CYRIA: variants seen among roughly 807,000 people sequenced by gnomAD.
CYRIA encodes CYFIP-related Rac1 interactor A.
In CYRIA, 15 loss-of-function variants were observed where a neutral mutation model predicts 43.9. That is an observed-to-expected ratio of 0.34 (90% CI 0.23 to 0.53). CYRIA has a LOEUF of 0.53. Ranked by LOEUF, CYRIA falls within the 20% of genes least tolerant of loss-of-function variation. The probability of loss-of-function intolerance (pLI) is 0.94; values close to 1 mark genes in which losing one functional copy is unlikely to be tolerated. For missense variants in CYRIA, 236 were observed against 394.2 expected (o/e 0.60, Z 3.40); for synonymous variants, 117 against 136.0 (o/e 0.86, Z 0.97).
chr2:16,565,606 C>T, intron 4 of CYRIA, 40 bp downstream of exon 4: 1 of 1,500,894 alleles, frequency 6.7e-7, no homozygotes, highest in East Asian at 2.4e-5. Context: ...TTTCCTTCCC[C>T]TCCTCGGGTG....
chr2:16,567,700 T>C (rs978283030), intron 3 of CYRIA, among the ~76,000 whole-genome samples: 1 of 152,096 alleles, frequency 6.6e-6, no homozygotes, highest in African/African-American at 2.4e-5. Flanking sequence ...GCCATGGCAA[T>C]TCTCTTTGAA....
rs369267903 is a variant in CYRIA, at chr2:16,617,480, CAA to C, written c.-11+6382_-11+6383del. ...CCTAGATTCCAACCCAAAGCAGGAA[CAA>C]AGACAGGGTTGGAAGAAGGAGAGAG... On this transcript the variant is annotated intron_variant, in intron 2 of 11. Coordinates refer to ENST00000381323, the MANE Select transcript of CYRIA (RefSeq NM_030797.4). Among the ~76,000 whole-genome samples the C allele has an allele frequency of 5.1e-4, 78 of 152,350 alleles. 2 individuals carry two copies. In the East Asian group the frequency reaches 0.015, roughly 29 times the overall value.
At chr2:16,584,684 T>C (rs1041426074) in intron 3 of CYRIA, among the ~76,000 whole-genome samples, 3 of 152,176 alleles carry the variant, frequency 2.0e-5, no homozygotes, top group Non-Finnish European at 4.4e-5. Context: ...CAGCAAGCAT[T>C]TGGTGTTTCA....
At chr2:16,652,197 C>T (rs1490272366) in intron 1 of CYRIA, among the ~76,000 whole-genome samples, 1 of 152,140 alleles carries the variant, frequency 6.6e-6, no homozygotes, top group Non-Finnish European at 1.5e-5. Context: ...TAACATCTTC[C>T]CACAGCTTCA....
At chr2:16,644,209 T>G (rs938760250) in intron 1 of CYRIA, among the ~76,000 whole-genome samples, 1 of 152,198 alleles carries the variant, frequency 6.6e-6, no homozygotes, top group African/African-American at 2.4e-5. Flanking sequence ...AGTGCAGTAT[T>G]GGATATGTAA....
At chr2:16,566,900 G>A (rs1160285091) in intron 3 of CYRIA, among the ~76,000 whole-genome samples, 1 of 152,122 alleles carries the variant, frequency 6.6e-6, no homozygotes, top group Non-Finnish European at 1.5e-5. Flanking sequence ...TCATGGAGAG[G>A]GGACAGATGT....
At chr2:16,660,701 T>C (rs1670229905) in intron 1 of CYRIA, among the ~76,000 whole-genome samples, 1 of 152,228 alleles carries the variant, frequency 6.6e-6, no homozygotes, top group African/African-American at 2.4e-5. Flanking sequence ...GCACTCCATT[T>C]CCCCAGTTTC....
At position 16,565,730 on chromosome 2, in the gene CYRIA, G is replaced by A. The variant is rs1482060092; in HGVS notation, c.108C>T (p.Asn36=). Residue 36 remains asparagine, a synonymous_variant, in exon 4 of 12, where the codon AAC becomes AAT. Transcript: ENST00000381323. The part of the protein sequence containing the change: ...QPTEGEREIW[N]QISAVLQDSE... Reference sequence around the variant, plus strand: ...AATCCTGAAGGACGGCGCTGATCTGGTTCCAGATTTCTCTCTCTCCTTCTG... The same window carrying A: ...AATCCTGAAGGACGGCGCTGATCTGATTCCAGATTTCTCTCTCTCCTTCTG... 1.9e-6 allele frequency: 3 copies of A among 1,584,744 alleles called. No individual in the cohort carries two copies. The highest frequency in any genetic ancestry group is 2.6e-6 in the Non-Finnish European group (3 of 1,157,950).
chr2:16,568,792 A>G (rs538495737), intron 3 of CYRIA, among the ~76,000 whole-genome samples: 1 of 152,334 alleles, frequency 6.6e-6, no homozygotes, highest in South Asian at 2.1e-4. Context: ...GGAAAGAAGA[A>G]GGCACTCTGA....
intron 3 of CYRIA, among the ~76,000 whole-genome samples, chr2:16,570,097 T>C (rs1300110067): frequency 6.6e-6 from 1 of 152,010 alleles, no homozygotes; most frequent in Non-Finnish European, 1.5e-5. Flanking sequence ...TTGAAAGCAG[T>C]GTAGTAAGTA....
intron 2 of CYRIA, among the ~76,000 whole-genome samples, chr2:16,593,716 GTGTTT>G (rs1349013769): frequency 0.015 from 1,320 of 87,124 alleles, 38 homozygotes; most frequent in East Asian, 0.067. Flanking sequence ...TTGTGTGTGT[GTGTTT>G]TTTTTTTTTT....
chr2:16,592,282 A>G (rs1667959470), intron 2 of CYRIA, among the ~76,000 whole-genome samples: 1 of 152,168 alleles, frequency 6.6e-6, no homozygotes, highest in Non-Finnish European at 1.5e-5. Context: ...GATAAAGGAT[A>G]CTCAAACTGG....
At position 16,549,909 on chromosome 2, in the gene CYRIA, T is replaced by C. The variant is rs773210552; in HGVS notation, c.*3027A>G. 3.9e-5 allele frequency: 6 copies of C among 151,966 alleles called. No homozygotes were observed. Among genetic ancestry groups the C allele is most frequent in the East Asian group, 1.9e-4 (1 of 5,184 alleles). 9.4% of individuals were successfully genotyped at this position (151,966 alleles called of 1,614,324 possible). A position where few individuals can be genotyped will look rare whatever the true frequency, so the allele number is the denominator to read the frequency against. ...GTTGATCAAGCATGATGTTAACTAGTAGTTAAAAGGTAATATCCAAACTTT... is the reference window on the plus strand; with the variant it reads ...GTTGATCAAGCATGATGTTAACTAGCAGTTAAAAGGTAATATCCAAACTTT... On this transcript the variant is annotated 3_prime_UTR_variant, in exon 12 of 12. Transcript: ENST00000381323.
intron 3 of CYRIA, among the ~76,000 whole-genome samples, chr2:16,586,955 C>A (rs1244702951): frequency 6.6e-6 from 1 of 151,974 alleles, no homozygotes; most frequent in African/African-American, 2.4e-5. Flanking sequence ...TTTGAGCAAA[C>A]ATAAATGTTC....
chr2:16,559,949 G>T (rs1666669660), intron 9 of CYRIA, among the ~76,000 whole-genome samples: 3 of 152,102 alleles, frequency 2.0e-5, no homozygotes, highest in South Asian at 4.1e-4. Context: ...CAGAGAAAAA[G>T]AATTAGGCTC....
chr2:16,586,726 A>G (rs1251670725), intron 3 of CYRIA, among the ~76,000 whole-genome samples: 1 of 151,900 alleles, frequency 6.6e-6, no homozygotes, highest in African/African-American at 2.4e-5. Flanking sequence ...GCATTTCCTT[A>G]GCAAACTTCT....
chr2:16,645,502 C>A (rs1291869679), intron 1 of CYRIA, among the ~76,000 whole-genome samples: 1 of 152,154 alleles, frequency 6.6e-6, no homozygotes, highest in Middle Eastern at 3.2e-3. Context: ...TTTTAAAATG[C>A]GGAGTTAGAA....
rs749491161 is a variant in CYRIA at position 16,553,566 on chromosome 2, G to A, written c.909-567C>T. On this transcript the variant is annotated intron_variant, in intron 11 of 11. Coordinates refer to ENST00000381323, the MANE Select transcript of CYRIA (RefSeq NM_030797.4). The stretch of plus-strand genomic sequence containing the variant: ...ATAAAACTTTGGCCAGGTCATGGGC[G>A]CTCCATGTTAAGTTTCGTGTTACAA... 3.9e-5 allele frequency among the ~76,000 whole-genome samples: 6 copies of A among 152,104 alleles called. 1 individual carries two copies. The highest frequency in any genetic ancestry group is 4.1e-4 in the South Asian group (2 of 4,830).
At chr2:16,647,583 C>T (rs1352907706) in intron 1 of CYRIA, among the ~76,000 whole-genome samples, 3 of 152,204 alleles carry the variant, frequency 2.0e-5, no homozygotes, top group African/African-American at 4.8e-5. Context: ...CTACAAGGCC[C>T]TGCAGGTCCA....
Sources: allele counts gnomAD v4.1 joint callset (sites outside exome capture counted in the v4.1 genomes callset), GRCh38; gene constraint gnomAD v4.1.1; transcripts MANE v1.5; gene names NCBI Gene and HGNC (gene_info 2026-07-23, HGNC 2026-07-21).